UBTD1: variants seen among roughly 807,000 people sequenced by gnomAD.
The protein encoded by UBTD1 is ubiquitin domain-containing protein 1.
A neutral mutation model predicts 21.7 loss-of-function variants in UBTD1; 19 were observed. That is an observed-to-expected ratio of 0.87 (90% CI 0.61 to 1.28). The LOEUF is 1.28. UBTD1 is among the 50% of genes most tolerant of loss of function. The pLI is 0.00. For synonymous variants in UBTD1, 116 were observed against 135.1 expected, an observed-to-expected ratio of 0.86 and a Z score of 0.98; for missense variants, 282 against 315.1, an observed-to-expected ratio of 0.89 and a Z score of 0.80.
chr10:97,521,394 C>T (rs956210894), intron 1 of UBTD1, among the ~76,000 whole-genome samples: 62 of 152,284 alleles, frequency 4.1e-4, no homozygotes, highest in African/African-American at 1.4e-3. Flanking sequence ...TGAGGGAGAT[C>T]TCCTTTCCCA....
intron 1 of UBTD1, among the ~76,000 whole-genome samples, chr10:97,536,079 G>A (rs1167763999): frequency 6.6e-6 from 1 of 151,298 alleles, no homozygotes; most frequent in Non-Finnish European, 1.5e-5. Flanking sequence ...TGTAACCTCC[G>A]CCTCCCGGAT....
intron 2 of UBTD1, 69 bp downstream of exon 2, chr10:97,568,210 T>C (rs1225910801): frequency 6.4e-7 from 1 of 1,557,820 alleles, no homozygotes; most frequent in African/African-American, 1.4e-5. Context: ...TTGAGGGTGT[T>C]GAGGAGTGTG....
At chr10:97,514,686 T>A (rs2040437321) in intron 1 of UBTD1, among the ~76,000 whole-genome samples, 1 of 152,140 alleles carries the variant, frequency 6.6e-6, no homozygotes, top group Non-Finnish European at 1.5e-5. Context: ...CCTCTCTGTG[T>A]AAGCCCATGA....
chr10:97,516,012 A>G (rs2040442695), intron 1 of UBTD1, among the ~76,000 whole-genome samples: 1 of 152,242 alleles, frequency 6.6e-6, no homozygotes, highest in Non-Finnish European at 1.5e-5. Flanking sequence ...AACATTTAAT[A>G]GCCACATAAG....
At chr10:97,500,373 G>A (rs1232153945) in intron 1 of UBTD1, among the ~76,000 whole-genome samples, 3 of 152,206 alleles carry the variant, frequency 2.0e-5, no homozygotes, top group Non-Finnish European at 4.4e-5. Context: ...GGGGGAACCA[G>A]GGGAAGCAGG....
At chr10:97,519,503 G>C (rs558755579) in intron 1 of UBTD1, among the ~76,000 whole-genome samples, 1 of 152,184 alleles carries the variant, frequency 6.6e-6, no homozygotes, top group African/African-American at 2.4e-5. Context: ...GAACATTTCT[G>C]CTCTTTGTGG....
chr10:97,532,790 C>CAAAA (rs765080292), intron 1 of UBTD1, among the ~76,000 whole-genome samples: 1 of 108,160 alleles, frequency 9.2e-6, no homozygotes, highest in African/African-American at 3.0e-5. Context: ...AACTGCATCT[C>CAAAA]AAAAAAAAAA....
intron 1 of UBTD1, among the ~76,000 whole-genome samples, chr10:97,522,991 C>T (rs1423904741): frequency 6.6e-6 from 1 of 152,156 alleles, no homozygotes; most frequent in Non-Finnish European, 1.5e-5. Context: ...CATCCCTGAG[C>T]GTTCCTTCCC....
At chr10:97,530,096 T>C (rs1325677349) in intron 1 of UBTD1, among the ~76,000 whole-genome samples, 1 of 152,206 alleles carries the variant, frequency 6.6e-6, no homozygotes, top group Non-Finnish European at 1.5e-5. Context: ...TCTCCTGACA[T>C]GTCTGTCTCC....
chr10:97,567,403 G>A (rs1299443477), intron 1 of UBTD1, among the ~76,000 whole-genome samples: 3 of 147,376 alleles, frequency 2.0e-5, no homozygotes, highest in Non-Finnish European at 4.5e-5. Flanking sequence ...GCTCACGCCT[G>A]TAATCCCAGT....
intron 1 of UBTD1, among the ~76,000 whole-genome samples, chr10:97,509,884 C>T (rs2040416356): frequency 6.6e-6 from 1 of 151,998 alleles, no homozygotes; most frequent in African/African-American, 2.4e-5. Context: ...AACTCCTGAC[C>T]TCGTGATCCA....
chr10:97,543,478 G>A (rs771137862), intron 1 of UBTD1, among the ~76,000 whole-genome samples: 3 of 152,188 alleles, frequency 2.0e-5, no homozygotes, highest in Non-Finnish European at 4.4e-5. Flanking sequence ...CCCAGGACTC[G>A]GCATGTTAGG....
At chr10:97,538,770 A>ATG (rs2040574763) in intron 1 of UBTD1, among the ~76,000 whole-genome samples, 3 of 144,550 alleles carry the variant, frequency 2.1e-5, no homozygotes, top group Admixed American at 2.1e-4. Flanking sequence ...CTGTGTGTAT[A>ATG]TGTGTGTGTG....
chr10:97,504,738 A>G (rs140694999), intron 1 of UBTD1, among the ~76,000 whole-genome samples: 18 of 152,354 alleles, frequency 1.2e-4, no homozygotes, highest in Non-Finnish European at 2.1e-4. Flanking sequence ...ATAGAAAAGC[A>G]TAAGTGAACA....
In UBTD1 at chr10:97,524,662, G is replaced by A. The variant is rs188723517; in HGVS notation, c.70+25389G>A. Among the ~76,000 whole-genome samples, 392 of 152,364 alleles carry A rather than the reference G, an allele frequency of 2.6e-3. 1 individual carries two copies. The highest frequency in any genetic ancestry group is 7.1e-3 in the African/African-American group (295 of 41,588). On this transcript the variant is annotated intron_variant, in intron 1 of 2. Transcript: ENST00000370664. ...CAGTGGCTTAAAGAATGAGGAGTTT[G>A]TTTTTCTGTCTCATGTAATGGCCCT...
At chr10:97,524,311 G>A (rs2040478679) in intron 1 of UBTD1, among the ~76,000 whole-genome samples, 1 of 151,982 alleles carries the variant, frequency 6.6e-6, no homozygotes, top group Non-Finnish European at 1.5e-5. Flanking sequence ...ATGTTGCCCA[G>A]ACTAGTCTCG....
intron 1 of UBTD1, among the ~76,000 whole-genome samples, chr10:97,507,966 C>G (rs911253751): frequency 2.6e-5 from 4 of 152,112 alleles, no homozygotes; most frequent in Non-Finnish European, 5.9e-5. Flanking sequence ...AACCAAGTAG[C>G]CTGAATCTTA....
intron 1 of UBTD1, among the ~76,000 whole-genome samples, chr10:97,547,199 G>A (rs764949157): frequency 1.3e-5 from 2 of 152,174 alleles, no homozygotes; most frequent in East Asian, 1.9e-4. Context: ...CTGCCGTGCC[G>A]GTGCCCGTTG....
chr10:97,552,286 A>G (rs973616035), intron 1 of UBTD1, among the ~76,000 whole-genome samples: 1 of 151,892 alleles, frequency 6.6e-6, no homozygotes, highest in Admixed American at 6.6e-5. Flanking sequence ...AGGTGGGAGC[A>G]TCGCTTGAGC....
Sources: gnomAD v4.1 joint callset for allele counts (sites outside exome capture counted in the v4.1 genomes callset) on GRCh38, gnomAD v4.1.1 for gene constraint, MANE v1.5 for transcripts, NCBI Gene and HGNC (gene_info 2026-07-23, HGNC 2026-07-21) for gene names.